Variants in LOC112694756 observed in about 807,000 individuals in gnomAD.
the LOC112694756 span, chr16:30,067,960 C>T: frequency 1.9e-5 from 9 of 476,204 alleles, no homozygotes; most frequent in South Asian, 2.0e-4. Flanking sequence ...CAAATAACAT[C>T]CCAGTGTATC....
chr16:30,069,161 C>A, the LOC112694756 span: 2 of 1,310,610 alleles, frequency 1.5e-6, no homozygotes, highest in South Asian at 1.2e-5. Flanking sequence ...GGATCTGAGG[C>A]GGCTCTTGTC....
At chr16:30,059,959 G>T in the LOC112694756 span, among the ~76,000 whole-genome samples, 1 of 151,640 alleles carries the variant, frequency 6.6e-6, no homozygotes, top group East Asian at 2.0e-4. Context: ...TATGAACTAG[G>T]TCTTATATTT....
chr16:30,065,549 ATGTGG>A, the LOC112694756 span: 1 of 152,068 alleles, frequency 6.6e-6, no homozygotes, highest in Non-Finnish European at 1.5e-5. Flanking sequence ...GACCCGCGGG[ATGTGG>A]TCCGAGTCAC....
At chr16:30,061,563 T>TTC in the LOC112694756 span, among the ~76,000 whole-genome samples, 1 of 139,358 alleles carries the variant, frequency 7.2e-6, no homozygotes, top group Non-Finnish European at 1.6e-5. Flanking sequence ...TTTTTTTTTT[T>TTC]TTTTTTTTTT....
At chr16:30,069,535 C>A in the LOC112694756 span, 9 of 1,614,144 alleles carry the variant, frequency 5.6e-6, no homozygotes, top group East Asian at 2.0e-4. Flanking sequence ...GAGTGACCAC[C>A]ACATCTACCT....
At chr16:30,053,401 G>A in the LOC112694756 span, 1 of 152,784 alleles carries the variant, frequency 6.5e-6, no homozygotes, top group Non-Finnish European at 1.5e-5. Context: ...AAGGGAAGGA[G>A]GGTGGGCACC....
At chr16:30,060,759 C>G in the LOC112694756 span, among the ~76,000 whole-genome samples, 1 of 152,212 alleles carries the variant, frequency 6.6e-6, no homozygotes, top group African/African-American at 2.4e-5. Context: ...TAGAGACACC[C>G]CAAATCACAC....
chr16:30,054,813 GGCTCCTGTCAGCAGCCCTCCCCT>G, the LOC112694756 span: 1 of 399,046 alleles, frequency 2.5e-6, no homozygotes, highest in East Asian at 3.6e-5. Flanking sequence ...ATCCAACCCC[GGCTCCTGTCAGCAGCCCTCCCCT>G]GCTGCTCCCC....
chr16:30,060,886 T>C, the LOC112694756 span, among the ~76,000 whole-genome samples: 2 of 152,238 alleles, frequency 1.3e-5, no homozygotes, highest in African/African-American at 4.8e-5. Context: ...CCCCTGTCCC[T>C]GCAGGTGGCA....
At chr16:30,070,239 A>G in the LOC112694756 span, 1 of 1,610,276 alleles carries the variant, frequency 6.2e-7, no homozygotes. Flanking sequence ...GCTGCCCCCA[A>G]CACTCCAGGC....
chr16:30,070,280 C>T, the LOC112694756 span: 47 of 1,489,902 alleles, frequency 3.2e-5, no homozygotes, highest in African/African-American at 9.7e-5. Flanking sequence ...AAGAGGAGGC[C>T]GCCTCCTCGG....
At chr16:30,070,169 C>T in the LOC112694756 span, 106 of 1,614,032 alleles carry the variant, frequency 6.6e-5, no homozygotes, top group Non-Finnish European at 8.9e-5. Flanking sequence ...CAGGCTGGGG[C>T]TGCTGCCAGC....
At chr16:30,066,773 T>A in the LOC112694756 span, 11 of 1,265,922 alleles carry the variant, frequency 8.7e-6, no homozygotes, top group South Asian at 1.7e-4. Context: ...GCTGTGTGGC[T>A]TGAAGCACAG....
the LOC112694756 span, among the ~76,000 whole-genome samples, chr16:30,061,719 C>T: frequency 2.0e-5 from 3 of 151,462 alleles, no homozygotes; most frequent in African/African-American, 4.9e-5. Context: ...CCCACCACGC[C>T]CAGCTAATTT....
At chr16:30,069,371 C>A in the LOC112694756 span, 1 of 1,614,146 alleles carries the variant, frequency 6.2e-7, no homozygotes, top group Middle Eastern at 1.6e-4. Context: ...TGAAGCGCTG[C>A]CAGTATGTGA....
At chr16:30,066,920 G>C in the LOC112694756 span, 1 of 1,550,752 alleles carries the variant, frequency 6.4e-7, no homozygotes, top group Non-Finnish European at 8.7e-7. Flanking sequence ...AAGCCAGAAG[G>C]GTCCAGCTTC....
At chr16:30,065,380 G>A in the LOC112694756 span, among the ~76,000 whole-genome samples, 1 of 152,082 alleles carries the variant, frequency 6.6e-6, no homozygotes, top group South Asian at 2.1e-4. Context: ...GCGCGCGCTG[G>A]GCCTGGGAGG....
chr16:30,065,026 C>T, the LOC112694756 span, among the ~76,000 whole-genome samples: 1 of 152,360 alleles, frequency 6.6e-6, no homozygotes, highest in African/African-American at 2.4e-5. Context: ...GGTGCATAGC[C>T]GCGCATTCTG....
At chr16:30,058,696 A>C in the LOC112694756 span, among the ~76,000 whole-genome samples, 1 of 151,618 alleles carries the variant, frequency 6.6e-6, no homozygotes, top group Non-Finnish European at 1.5e-5. Flanking sequence ...GTTAGCCAGG[A>C]TGGTCTTGAT....
Sources: gnomAD v4.1 joint callset for allele counts (sites outside exome capture counted in the v4.1 genomes callset) on GRCh38, gnomAD v4.1.1 for gene constraint, MANE v1.5 for transcripts.